Variants in ACVRL1 observed in about 807,000 individuals in gnomAD.
ACVRL1 encodes activin receptor type-1-like.
ACVRL1 carries 20 observed loss-of-function variants against 51.9 expected under a neutral mutation model. The observed-to-expected ratio is 0.39, with a 90% CI of 0.27 to 0.56. The LOEUF is 0.56. Among genes scored for constraint, ACVRL1 ranks in the 20% least tolerant of loss-of-function variants. The pLI is 0.67. For synonymous variants in ACVRL1, 288 were observed against 280.9 expected, an observed-to-expected ratio of 1.03 and a Z score of -0.25; for missense variants, 451 against 670.3, an observed-to-expected ratio of 0.67 and a Z score of 3.61.
rs1242410623 is a variant in ACVRL1, at chr12:51,917,611, G to A, written c.1247-1374G>A. On this transcript the variant is annotated intron_variant, in intron 8 of 9. Transcript: ENST00000388922. The surrounding 1 kb of genome is among the most constrained non-coding windows in gnomAD (Gnocchi z 4.2). ...TTTCCTGAGCATCTACCAGGAGCCAGCCCCATGCCAGACTTCATTTGTCCT... is the reference window on the plus strand; with the variant it reads ...TTTCCTGAGCATCTACCAGGAGCCAACCCCATGCCAGACTTCATTTGTCCT... Among the ~76,000 whole-genome samples the A allele has an allele frequency of 2.0e-5, 3 of 152,266 alleles. No homozygotes were observed. The highest frequency in any genetic ancestry group is 2.1e-4 in the South Asian group (1 of 4,816).
chr12:51,915,804 C>G (rs766372182), intron 7 of ACVRL1: 6 of 632,392 alleles, frequency 9.5e-6, no homozygotes, highest in East Asian at 2.8e-5. Flanking sequence ...ATAATGCCTG[C>G]CTTGCCCACT....
In ACVRL1 at chr12:51,913,615, G is replaced by A; in HGVS notation, c.370G>A (p.Gly124Ser). The A allele has an allele frequency of 6.2e-7, 1 of 1,602,616 alleles. No individual in the cohort carries two copies. Among genetic ancestry groups the A allele is most frequent in the Non-Finnish European group, 8.5e-7 (1 of 1,179,898 alleles). ...AGATGGCCAGCTGGCCCTGATCCTG[G>A]GCCCCGTGCTGGCCTTGCTGGCCCT... The part of the protein sequence containing the change: ...GTDGQLALIL[G>S]PVLALLALVA... The change falls in exon 4 of 10, where the codon GGC becomes AGC. Residue 124 changes from glycine (G) to serine (S), a missense_variant. By Grantham distance (56) the Gly-to-Ser change is moderately conservative (BLOSUM62 0). Transcript: ENST00000388922.
chr12:51,921,106 C>T lies in ACVRL1; in HGVS notation c.*213C>T. On this transcript the variant is annotated 3_prime_UTR_variant, in exon 10 of 10. Transcript: ENST00000388922. ...TCTGGCCTGCTCAAAGCGGCAGGCTCCCTGACGCCTGGCTCTCTCCCCACC... is the reference window on the plus strand; with the variant it reads ...TCTGGCCTGCTCAAAGCGGCAGGCTTCCTGACGCCTGGCTCTCTCCCCACC... 4.9e-6 allele frequency: 3 copies of T among 609,790 alleles called. No homozygotes were observed. Among genetic ancestry groups the T allele is most frequent in the Non-Finnish European group, 2.9e-6 (1 of 346,014 alleles). 37.8% of individuals were successfully genotyped at this position (609,790 alleles called of 1,614,324 possible). A position where few individuals can be genotyped will look rare whatever the true frequency, so the allele number is the denominator to read the frequency against.
Position 51,913,968 on chromosome 12 carries a change from C to T in ACVRL1, c.526-6C>T, listed in dbSNP as rs1438077609. The T allele has an allele frequency of 1.2e-6, 2 of 1,612,704 alleles. No individual in the cohort carries two copies. The highest frequency in any genetic ancestry group is 1.3e-5 in the African/African-American group (1 of 74,852). On this transcript the variant is annotated splice_polypyrimidine_tract_variant and splice_region_variant and intron_variant, in intron 4 of 9. Transcript: ENST00000388922. ...CAGCCTCTCAGTGGCCTCTCCGTAC[C>T]CCCAGGACCTCCTGGACAGTGACTG...
intron 1 of ACVRL1, among the ~76,000 whole-genome samples, chr12:51,908,131 G>A (rs1294940434): frequency 2.6e-5 from 4 of 152,184 alleles, no homozygotes; most frequent in Admixed American, 2.0e-4. Flanking sequence ...AGTCCTTCCA[G>A]CTGTTGCTTG....
chr12:51,915,778 T>G (rs1354737079), intron 7 of ACVRL1: 10 of 640,228 alleles, frequency 1.6e-5, no homozygotes, highest in Non-Finnish European at 2.4e-5. Flanking sequence ...CCAGGTCTGC[T>G]CTGTGAAGTG....
intron 1 of ACVRL1, among the ~76,000 whole-genome samples, chr12:51,911,768 G>C (rs1014336725): frequency 6.6e-6 from 1 of 152,182 alleles, no homozygotes; most frequent in Non-Finnish European, 1.5e-5. Context: ...TGATTCACAG[G>C]ATGTCCACCT....
At chr12:51,910,543 C>T (rs1437299776) in intron 1 of ACVRL1, among the ~76,000 whole-genome samples, 1 of 152,136 alleles carries the variant, frequency 6.6e-6, no homozygotes, top group African/African-American at 2.4e-5. Context: ...GGGGCACGGC[C>T]AGAGAAGTAG....
chr12:51,910,642 C>A (rs1940671785), intron 1 of ACVRL1, among the ~76,000 whole-genome samples: 1 of 152,208 alleles, frequency 6.6e-6, no homozygotes, highest in South Asian at 2.1e-4. Flanking sequence ...CTCTCCTTTG[C>A]AGCTTTCTGG....
In ACVRL1 at chr12:51,913,976, C is replaced by A. The variant is rs760179324; in HGVS notation, c.528C>A (p.Asp176Glu). ...CAGTGGCCTCTCCGTACCCCCAGGA[C>A]CTCCTGGACAGTGACTGCACCACAG... The part of the protein sequence containing the change: ...ASEQGDSMLG[D>E]LLDSDCTTGS... The change falls in exon 5 of 10, where the codon GAC becomes GAA. Residue 176 changes from aspartate to glutamate, a missense_variant and splice_region_variant. This residue lies in a region of ACVRL1 where 259 missense variants were observed against 453.4 expected (regional missense o/e 0.57). Transcript: ENST00000388922. 3 of 1,613,242 alleles carry A rather than the reference C, an allele frequency of 1.9e-6. No individual in the cohort carries two copies. The Admixed American group carries it at 5.0e-5, about 27-fold the overall frequency.
At chr12:51,915,646 C>T (rs1940818672) in intron 7 of ACVRL1, 146 bp downstream of exon 7, 3 of 1,138,418 alleles carry the variant, frequency 2.6e-6, no homozygotes, top group South Asian at 3.2e-5. Flanking sequence ...CAAGACCCCA[C>T]GAGTTGTCTG....
intron 9 of ACVRL1, 98 bp downstream of exon 9, chr12:51,919,213 A>C: frequency 2.3e-5 from 36 of 1,565,974 alleles, no homozygotes; most frequent in African/African-American, 4.1e-5. Context: ...GCTTCATCTC[A>C]TAGATACTGA....
intron 7 of ACVRL1, 115 bp from the exon 8 acceptor site, chr12:51,915,921 C>A (rs545693488): frequency 5.1e-6 from 6 of 1,166,430 alleles, no homozygotes; most frequent in Non-Finnish European, 7.3e-6. Flanking sequence ...TCTCCGTGCA[C>A]GTCTCCATCT....
intron 1 of ACVRL1, among the ~76,000 whole-genome samples, chr12:51,909,224 G>A (rs535121367): frequency 7.2e-5 from 11 of 152,138 alleles, no homozygotes; most frequent in Non-Finnish European, 1.3e-4. Context: ...CCACTACTCT[G>A]GCTCTCCCCA....
chr12:51,911,344 T>C (rs918086320), intron 1 of ACVRL1, among the ~76,000 whole-genome samples: 10 of 152,174 alleles, frequency 6.6e-5, no homozygotes, highest in African/African-American at 2.2e-4. Context: ...TCTGGAAAAG[T>C]TCAACCCTAG....
chr12:51,917,879 G>A lies in ACVRL1; in HGVS notation c.1247-1106G>A, dbSNP rs774175873. Among the ~76,000 whole-genome samples, 12 of 152,122 alleles carry A rather than the reference G, an allele frequency of 7.9e-5. No homozygotes were observed. The highest frequency in any genetic ancestry group is 2.9e-4 in the African/African-American group (12 of 41,432). ...GGGGGAAGCTCCATCAGCCCCACAC[G>A]GACTCGCGGCGCATTATAAACACTG... On this transcript the variant is annotated intron_variant, in intron 8 of 9. Coordinates refer to ENST00000388922, the MANE Select transcript of ACVRL1 (RefSeq NM_000020.3). The surrounding 1 kb of genome is among the most constrained non-coding windows in gnomAD (Gnocchi z 4.2).
chr12:51,910,029 G>A (rs777844107), intron 1 of ACVRL1, among the ~76,000 whole-genome samples: 7 of 152,164 alleles, frequency 4.6e-5, no homozygotes, highest in Non-Finnish European at 7.3e-5. Flanking sequence ...AGGGTAAATC[G>A]TACAGAGTCA....
chr12:51,912,250 C>G (rs931254164), intron 1 of ACVRL1: 1 of 633,758 alleles, frequency 1.6e-6, no homozygotes, highest in East Asian at 2.7e-5. Flanking sequence ...AAACATTGCT[C>G]TCCACCCTTC....
chr12:51,909,987 C>T (rs1176754847), intron 1 of ACVRL1, among the ~76,000 whole-genome samples: 1 of 152,306 alleles, frequency 6.6e-6, no homozygotes, highest in East Asian at 1.9e-4. Flanking sequence ...CTGCCAGGCC[C>T]CAGGAGTCTG....
Sources: gnomAD v4.1 joint callset for allele counts (sites outside exome capture counted in the v4.1 genomes callset) on GRCh38, gnomAD v4.1.1 for gene constraint, gnomAD v4.1.1 regional missense constraint, Gnocchi (gnomAD v3.1) non-coding constraint, MANE v1.5 for transcripts, NCBI Gene and HGNC (gene_info 2026-07-23, HGNC 2026-07-21) for gene names.